The following EFS variants were observed in gnomAD, a reference collection of about 807,000 sequenced individuals.
EFS encodes the protein embryonal Fyn-associated substrate.
EFS carries 34 observed loss-of-function variants against 42.2 expected under a neutral mutation model. The observed-to-expected ratio is 0.81, with a 90% CI of 0.61 to 1.07. The LOEUF (loss-of-function observed/expected upper bound fraction) is 1.07. EFS is among the 50% of genes least tolerant of loss of function. The pLI, the probability that EFS is intolerant of heterozygous loss-of-function variation, is 0.00. For missense variants in EFS, 717 were observed against 729.4 expected (o/e 0.98, Z 0.20); for synonymous variants, 299 against 320.7 (o/e 0.93, Z 0.72).
chr14:23,359,128 G>A (rs1379248754), intron 4 of EFS, among the ~76,000 whole-genome samples, 163 bp from the exon 5 acceptor site: 3 of 152,190 alleles, frequency 2.0e-5, no homozygotes, highest in Non-Finnish European at 4.4e-5. Flanking sequence ...GCCCCAGGCT[G>A]GGTCTAGGAG....
intron 1 of EFS, 131 bp downstream of exon 1, chr14:23,364,877 G>T (rs758033425): frequency 1.2e-6 from 1 of 813,380 alleles, no homozygotes; most frequent in Non-Finnish European, 1.7e-6. Flanking sequence ...GTGAGAGGAG[G>T]GGGACACAGC....
chr14:23,360,587 G>T lies in EFS; in HGVS notation c.265C>A (p.Pro89Thr). The change falls in exon 2 of 6, where the codon CCA (proline) becomes ACA (threonine). Residue 89 changes from proline to threonine, a missense_variant. Physicochemically the swap from Pro to Thr is conservative, Grantham distance 38. Transcript: ENST00000216733. ...TCCTCATTGCTGTGATCTGGGGCTG[G>T]ATATGGTGAGCCAGGCTGGGCTGGG... is the stretch of plus-strand genomic sequence containing the variant. Reference protein sequence around the residue: ...ASPAQPGSPYPAPDHSNEDQE... With the variant: ...ASPAQPGSPYTAPDHSNEDQE... 6.4e-7 allele frequency: 1 copy of T among 1,571,816 alleles called. No individual in the cohort carries two copies. The highest frequency in any genetic ancestry group is 8.6e-7 in the Non-Finnish European group (1 of 1,157,446).
At position 23,359,832 on chromosome 14, in the gene EFS, T is replaced by TG. The variant is rs767191637; in HGVS notation, c.645dup (p.Ile216HisfsTer19). The stretch of plus-strand genomic sequence containing the variant: ...TTCAGGTTGGAGGGGGCAGCATAGA[T>TG]GGGGGGCCCCGGCTCCCGGCCTCCT... On this transcript the variant is annotated frameshift_variant, in exon 4 of 6. Transcript: ENST00000216733. LOFTEE classifies it high-confidence loss of function. The TG allele has an allele frequency of 1.1e-5, 17 of 1,524,960 alleles. No individual in the cohort carries two copies. Among genetic ancestry groups the TG allele is most frequent in the Non-Finnish European group, 1.5e-5 (17 of 1,139,538 alleles). 94.5% of individuals were successfully genotyped at this position (1,524,960 alleles called of 1,614,324 possible). A position where few individuals can be genotyped will look rare whatever the true frequency, so the allele number is the denominator to read the frequency against.
chr14:23,360,941 C>G (rs1890133807), intron 1 of EFS, 108 bp from the exon 2 acceptor site: 1 of 1,195,434 alleles, frequency 8.4e-7, no homozygotes, highest in African/African-American at 1.6e-5. Flanking sequence ...AGCTAAAAAA[C>G]CTGAACTCTG....
chr14:23,362,858 C>T (rs988893574), intron 1 of EFS, among the ~76,000 whole-genome samples: 1 of 151,960 alleles, frequency 6.6e-6, no homozygotes, highest in Non-Finnish European at 1.5e-5. Flanking sequence ...CTCCTAAATA[C>T]CTGGGATTAC....
In EFS at chr14:23,359,664, AGGCTCCAGGG is replaced by A; in HGVS notation, c.804_813del (p.Pro269TrpfsTer115). 1 of 1,508,978 alleles carries A rather than the reference AGGCTCCAGGG, an allele frequency of 6.6e-7. No homozygotes were observed. Among genetic ancestry groups the A allele is most frequent in the Non-Finnish European group, 8.8e-7 (1 of 1,130,926 alleles). The allele number at this position is 1,508,978 out of a possible 1,614,324, so 93.5% of individuals were successfully genotyped here. ...AGGGTGTCCTGGTCATGGGAGGCCA[AGGCTCCAGGG>A]GGCTCTGGAGAAGGGGGAGCCTCTG... is the stretch of plus-strand genomic sequence containing the variant. On this transcript the variant is annotated frameshift_variant, in exon 4 of 6. Coordinates refer to ENST00000216733, the MANE Select transcript of EFS (RefSeq NM_005864.4). LOFTEE classifies it high-confidence loss of function.
At chr14:23,363,273 A>C (rs1011251686) in intron 1 of EFS, among the ~76,000 whole-genome samples, 1 of 151,964 alleles carries the variant, frequency 6.6e-6, no homozygotes, top group Non-Finnish European at 1.5e-5. Flanking sequence ...CTGAGTCTCA[A>C]TTTCCTTCTC....
intron 1 of EFS, among the ~76,000 whole-genome samples, chr14:23,361,819 T>G (rs2284653): frequency 0.29 from 43,849 of 152,168 alleles, 8,376 homozygotes; most frequent in African/African-American, 0.54. Flanking sequence ...CATTTAATTC[T>G]CACAACAACC....
chr14:23,357,063 G>C lies in EFS; in HGVS notation c.*163C>G, dbSNP rs117880380. 3.8e-6 allele frequency: 2 copies of C among 531,710 alleles called. No homozygotes were observed. Among genetic ancestry groups the C allele is most frequent in the Admixed American group, 7.2e-5 (2 of 27,710 alleles). 32.9% of individuals were successfully genotyped at this position (531,710 alleles called of 1,614,324 possible). On this transcript the variant is annotated 3_prime_UTR_variant, in exon 6 of 6. Transcript: ENST00000216733. ...GCTTGTACAAAAAGCTGTAGGTTAG[G>C]GGGAGAAGACACCTCTGTGAGAGGT... is the stretch of plus-strand genomic sequence containing the variant.
Position 23,358,011 on chromosome 14 carries a change from A to C in EFS, c.1252-351T>G, listed in dbSNP as rs569178117. Among the ~76,000 whole-genome samples, 29 of 151,976 alleles carry C rather than the reference A, an allele frequency of 1.9e-4. No homozygotes were observed. In the East Asian group the frequency reaches 2.1e-3, roughly 11 times the overall value. ...CACATTAAAAGTGGTTAAAAAAAAA[A>C]CAAAACCCTAATATATTTTATCTAA... On this transcript the variant is annotated intron_variant, in intron 5 of 5. Transcript: ENST00000216733.
Position 23,359,925 on chromosome 14 carries a change from C to A in EFS, c.553G>T (p.Asp185Tyr). The A allele has an allele frequency of 1.3e-6, 2 of 1,551,462 alleles. No homozygotes were observed. The highest frequency in any genetic ancestry group is 1.7e-6 in the Non-Finnish European group (2 of 1,149,840). ...RVAPQPPGED[D>Y]APYDVPLTPK... ...GTCAGAGGCACATCATAGGGAGCAT[C>A]ATCCTCTCCAGGGGGCTGCGGGGCA... The change falls in exon 4 of 6, where the codon GAT becomes TAT. Residue 185 changes from aspartate (D) to tyrosine (Y), a missense_variant. Physicochemically the swap from Asp to Tyr is radical, Grantham distance 160 (BLOSUM62 -3). Coordinates refer to ENST00000216733, the MANE Select transcript of EFS (RefSeq NM_005864.4).
chr14:23,359,947 G>A lies in EFS; in HGVS notation c.531C>T (p.Ala177=), dbSNP rs1890079428. 14 of 1,566,212 alleles carry A rather than the reference G, an allele frequency of 8.9e-6. No individual in the cohort carries two copies. The highest frequency in any genetic ancestry group is 1.2e-5 in the Non-Finnish European group (14 of 1,157,450). Residue 177 remains alanine, a synonymous_variant, in exon 4 of 6, where the codon GCC becomes GCT. Coordinates refer to ENST00000216733, the MANE Select transcript of EFS (RefSeq NM_005864.4). ...CATCATCCTCTCCAGGGGGCTGCGG[G>A]GCAACCCGGGTCAGAGGGTGGGAAA... is the stretch of plus-strand genomic sequence containing the variant. ...ASFSHPLTRV[A]PQPPGEDDAP... is the part of the protein sequence containing the mutation.
At chr14:23,358,560 G>C (rs556484191) in intron 5 of EFS, among the ~76,000 whole-genome samples, 34 of 152,316 alleles carry the variant, frequency 2.2e-4, no homozygotes, top group Non-Finnish European at 4.4e-4. Context: ...GGAATTCACA[G>C]TTGGAAGGAG....
At chr14:23,358,365 C>T (rs1799873325) in intron 5 of EFS, among the ~76,000 whole-genome samples, 1 of 152,232 alleles carries the variant, frequency 6.6e-6, no homozygotes, top group South Asian at 2.1e-4. Flanking sequence ...TGCAGTGTGC[C>T]TAGCACAGGG....
intron 1 of EFS, among the ~76,000 whole-genome samples, chr14:23,362,527 T>A (rs1304181539): frequency 1.3e-5 from 2 of 152,212 alleles, no homozygotes; most frequent in Non-Finnish European, 2.9e-5. Flanking sequence ...TCCCAACTCA[T>A]CAAACCATTT....
intron 1 of EFS, among the ~76,000 whole-genome samples, chr14:23,364,145 T>G (rs1890244159): frequency 6.6e-6 from 1 of 152,148 alleles, no homozygotes; most frequent in Non-Finnish European, 1.5e-5. Context: ...GGAACAAAGC[T>G]GCCTGGATTC....
In EFS at chr14:23,359,753, T is replaced by A. The variant is rs1890064937; in HGVS notation, c.725A>T (p.Asp242Val). ...LYEAPEELLA[D>V]GEGGGTDEGI... Reference sequence around the variant, plus strand: ...CTCATCAGTGCCCCCGCCCTCCCCGTCTGCCAGCAGTTCCTCGGGTGCTTC... The same window carrying A: ...CTCATCAGTGCCCCCGCCCTCCCCGACTGCCAGCAGTTCCTCGGGTGCTTC... Residue 242 changes from aspartate to valine, a missense_variant, in exon 4 of 6, where the codon GAC (aspartate) becomes GTC (valine). Transcript: ENST00000216733. 1 of 1,515,788 alleles carries A rather than the reference T, an allele frequency of 6.6e-7. No homozygotes were observed. Among genetic ancestry groups the A allele is most frequent in the Non-Finnish European group, 8.8e-7 (1 of 1,133,526 alleles). The allele number at this position is 1,515,788 out of a possible 1,614,324, so 93.9% of individuals were successfully genotyped here.
At chr14:23,358,140 G>C (rs2138532458) in intron 5 of EFS, among the ~76,000 whole-genome samples, 1 of 152,180 alleles carries the variant, frequency 6.6e-6, no homozygotes, top group East Asian at 1.9e-4. Context: ...TTTTATATTT[G>C]CAGCATATTT....
At chr14:23,359,049 C>A (rs1261496413) in intron 4 of EFS, 84 bp from the exon 5 acceptor site, 24 of 1,303,264 alleles carry the variant, frequency 1.8e-5, no homozygotes, top group Non-Finnish European at 2.4e-5. Flanking sequence ...CTTCCCCGGA[C>A]CCCCTTCCTT....
Sources: allele counts gnomAD v4.1 joint callset (sites outside exome capture counted in the v4.1 genomes callset), GRCh38; gene constraint gnomAD v4.1.1; transcripts MANE v1.5; gene names NCBI Gene and HGNC (gene_info 2026-07-23, HGNC 2026-07-21).